The following LIMA1 variants were observed in gnomAD, a reference collection of about 807,000 sequenced individuals.
LIMA1 encodes LIM domain and actin binding 1.
LIMA1 carries 52 observed loss-of-function variants against 62.6 expected under a neutral mutation model. The ratio of observed to expected loss-of-function variants is 0.83; its 90% CI spans 0.67 to 1.05. The LOEUF (loss-of-function observed/expected upper bound fraction) is 1.05, where lower values mean the gene tolerates loss of function less well. LIMA1 is among the 50% of genes least tolerant of loss of function. LIMA1 has a pLI of 0.00. For synonymous variants in LIMA1, 302 were observed against 317.8 expected, an observed-to-expected ratio of 0.95 and a Z score of 0.53; for missense variants, 780 against 902.2, an observed-to-expected ratio of 0.86 and a Z score of 1.74.
chr12:50,222,727 A>G (rs892320272), intron 3 of LIMA1: 2 of 1,380,094 alleles, frequency 1.4e-6, no homozygotes, highest in Non-Finnish European at 1.9e-6. Context: ...GGATGGCCTT[A>G]TAAGGACAAA....
chr12:50,265,849 A>T (rs945858419), intron 1 of LIMA1, among the ~76,000 whole-genome samples: 1 of 152,152 alleles, frequency 6.6e-6, no homozygotes. Flanking sequence ...TCAAAAAAAA[A>T]ACTTCAGTAG....
intron 1 of LIMA1, among the ~76,000 whole-genome samples, chr12:50,272,424 T>G (rs1942223679): frequency 6.6e-6 from 1 of 151,286 alleles, no homozygotes; most frequent in African/African-American, 2.4e-5. Context: ...ACGCCGTCTG[T>G]ACCAAAAATA....
At chr12:50,236,750 A>ACACACG (rs1183729303) in intron 2 of LIMA1, among the ~76,000 whole-genome samples, 8 of 151,902 alleles carry the variant, frequency 5.3e-5, no homozygotes, top group South Asian at 2.1e-4. Flanking sequence ...ACACACACAC[A>ACACACG]CACACGCACA....
intron 5 of LIMA1, 141 bp downstream of exon 5, chr12:50,205,843 A>T: frequency 2.7e-6 from 1 of 374,732 alleles, no homozygotes; most frequent in Non-Finnish European, 4.9e-6. Flanking sequence ...ATGAGATTTG[A>T]GAATGGCTTG....
chr12:50,209,197 G>A (rs544500604), intron 4 of LIMA1, among the ~76,000 whole-genome samples: 4 of 152,006 alleles, frequency 2.6e-5, no homozygotes, highest in African/African-American at 9.6e-5. Flanking sequence ...ACACAGGTCA[G>A]GCATACTTTC....
intron 3 of LIMA1, among the ~76,000 whole-genome samples, chr12:50,225,796 G>T (rs953550041): frequency 1.3e-5 from 2 of 152,102 alleles, no homozygotes; most frequent in Non-Finnish European, 2.9e-5. Flanking sequence ...TACCTGCCTT[G>T]GCCTCCCAAA....
At chr12:50,267,560 G>A (rs979356385) in intron 1 of LIMA1, among the ~76,000 whole-genome samples, 4 of 146,058 alleles carry the variant, frequency 2.7e-5, no homozygotes, top group Admixed American at 6.9e-5. Context: ...TCGCTCTGTC[G>A]CCAGGCTGGA....
intron 2 of LIMA1, among the ~76,000 whole-genome samples, chr12:50,239,048 G>A (rs1392065331): frequency 2.0e-5 from 3 of 152,038 alleles, no homozygotes; most frequent in Non-Finnish European, 2.9e-5. Context: ...ATTTTCATTC[G>A]AGAAATACTT....
chr12:50,280,723 C>A (rs1252712010), intron 1 of LIMA1, among the ~76,000 whole-genome samples: 1 of 152,100 alleles, frequency 6.6e-6, no homozygotes, highest in East Asian at 1.9e-4. Flanking sequence ...TCAGTATGGT[C>A]CTACCTTATC....
rs1437419971 is a variant in LIMA1, at chr12:50,182,194, T to C, written c.1141-157A>G. On this transcript the variant is annotated intron_variant, in intron 9 of 10. Transcript: ENST00000341247. Reference sequence around the variant, plus strand: ...GCTACAATTCTATCAGCTGACTCTTTAAAGCCAAGAGGCTCTCTTGATATT... The same window carrying C: ...GCTACAATTCTATCAGCTGACTCTTCAAAGCCAAGAGGCTCTCTTGATATT... 5 of 727,178 alleles carry C rather than the reference T, an allele frequency of 6.9e-6. No individual in the cohort carries two copies. The African/African-American group carries it at 8.8e-5, about 13-fold the overall frequency. 45.0% of individuals were successfully genotyped at this position (727,178 alleles called of 1,614,324 possible).
At chr12:50,212,527 AG>A (rs1419737462) in intron 4 of LIMA1, among the ~76,000 whole-genome samples, 1 of 152,218 alleles carries the variant, frequency 6.6e-6, no homozygotes, top group East Asian at 1.9e-4. Context: ...ATTTATCTCC[AG>A]GTGGTAGGAT....
At chr12:50,271,607 A>C (rs1942212864) in intron 1 of LIMA1, among the ~76,000 whole-genome samples, 1 of 152,202 alleles carries the variant, frequency 6.6e-6, no homozygotes, top group Admixed American at 6.6e-5. Flanking sequence ...TTCAAATTTA[A>C]GGTAAAGAGT....
At chr12:50,273,265 C>A (rs757611784) in intron 1 of LIMA1, among the ~76,000 whole-genome samples, 1 of 151,976 alleles carries the variant, frequency 6.6e-6, no homozygotes, top group Non-Finnish European at 1.5e-5. Flanking sequence ...TGGTTATAAA[C>A]ATATTAATGT....
At chr12:50,185,687 A>G (rs1371361586) in intron 9 of LIMA1, 10 of 349,216 alleles carry the variant, frequency 2.9e-5, no homozygotes. Flanking sequence ...TCACCCACAC[A>G]AGGAGTGTCT....
chr12:50,236,653 A>G (rs1392460948), intron 2 of LIMA1, among the ~76,000 whole-genome samples: 1 of 151,920 alleles, frequency 6.6e-6, no homozygotes, highest in East Asian at 1.9e-4. Context: ...CTCGGCTTGG[A>G]GTCCTTCTCC....
Position 50,232,133 on chromosome 12 carries a change from C to G in LIMA1, c.120-423G>C, listed in dbSNP as rs1941621389. Among the ~76,000 whole-genome samples, 4 of 138,210 alleles carry G rather than the reference C, an allele frequency of 2.9e-5. No individual in the cohort carries two copies. The South Asian group carries it at 9.6e-4, about 33-fold the overall frequency. 90.7% of individuals were successfully genotyped at this position (138,210 alleles called of 152,430 possible). On this transcript the variant is annotated intron_variant, in intron 2 of 10. Coordinates refer to ENST00000341247, the MANE Select transcript of LIMA1 (RefSeq NM_016357.5). Reference sequence around the variant, plus strand: ...GGTACAACCATGGTTCATCATGGTTCACTGCAGCCTTGACCTCCCGGGCTC... The same window carrying G: ...GGTACAACCATGGTTCATCATGGTTGACTGCAGCCTTGACCTCCCGGGCTC...
chr12:50,206,888 G>A lies in LIMA1; in HGVS notation c.631-820C>T, dbSNP rs191287688. On this transcript the variant is annotated intron_variant, in intron 4 of 10. Transcript: ENST00000341247. ...CTAAGGGCAGAGACCATGCCTTTTT[G>A]TCCATATATTTCCAGGACTTACAGA... is the stretch of plus-strand genomic sequence containing the variant. Among the ~76,000 whole-genome samples, 4 of 152,110 alleles carry A rather than the reference G, an allele frequency of 2.6e-5. No homozygotes were observed. The East Asian group carries it at 5.8e-4, about 22-fold the overall frequency.
intron 6 of LIMA1, among the ~76,000 whole-genome samples, chr12:50,202,993 T>C (rs746958792): frequency 6.6e-6 from 1 of 151,110 alleles, no homozygotes; most frequent in Non-Finnish European, 1.5e-5. Context: ...TAAATGGCAT[T>C]TGAAAGGTAA....
chr12:50,240,056 C>CATAACATAACATAAAATAAA (rs550347743), intron 2 of LIMA1, among the ~76,000 whole-genome samples: 33 of 113,292 alleles, frequency 2.9e-4, no homozygotes, highest in African/African-American at 9.5e-4. Context: ...CATAACATAA[C>CATAACATAACATAAAATAAA]ATAAAATAAA....
Sources: allele counts gnomAD v4.1 joint callset (sites outside exome capture counted in the v4.1 genomes callset), GRCh38; gene constraint gnomAD v4.1.1; transcripts MANE v1.5; gene names NCBI Gene and HGNC (gene_info 2026-07-23, HGNC 2026-07-21).